The following NKAP variants were observed in gnomAD, a reference collection of about 807,000 sequenced individuals.
NKAP encodes the protein NFKB activating protein.
Under a neutral mutation model 35.6 loss-of-function variants are expected in NKAP, and 4 were observed. That is an observed-to-expected ratio of 0.11 (90% CI 0.06 to 0.26). The LOEUF (loss-of-function observed/expected upper bound fraction) is 0.26. Ranked by LOEUF, NKAP falls within the 10% of genes least tolerant of loss-of-function variation. NKAP has a pLI of 1.00. For missense variants in NKAP, 238 were observed against 321.9 expected, an observed-to-expected ratio of 0.74 and a Z score of 1.99; for synonymous variants, 106 against 119.2, an observed-to-expected ratio of 0.89 and a Z score of 0.72.
rs1399924994 is a variant in NKAP, at chrX:119,923,462, T to C, written c.*1758A>G. ...ATATTTAATATCATTTTAGTTTCTC[T>C]TATGAAACAATTAAGCTAAAATACT... On this transcript the variant is annotated 3_prime_UTR_variant, in exon 9 of 9. Coordinates refer to ENST00000371410, the MANE Select transcript of NKAP (RefSeq NM_024528.4). 1 of 112,257 alleles carries C rather than the reference T, an allele frequency of 8.9e-6. No individual in the cohort carries two copies. 9.3% of individuals were successfully genotyped at this position (112,257 alleles called of 1,213,427 possible).
At chrX:119,943,035 G>A (rs2056800854) in intron 1 of NKAP, 185 bp downstream of exon 1, 2 of 535,254 alleles carry the variant, frequency 3.7e-6, no homozygotes, top group South Asian at 3.4e-5. Flanking sequence ...GAAGGGGCCT[G>A]AGGGTAAGGG....
Position 119,936,340 on chromosome X carries a change from A to G in NKAP, c.630T>C (p.Ser210=). The change falls in exon 4 of 9, where the codon TCT becomes TCC. Residue 210 remains serine (S), a synonymous_variant. Transcript: ENST00000371410. ...AATCAGAGTCACTGTCGCTATCTTC[A>G]GAATACTTCTTATGTTTTCTTTTCG... ...KSSKRKHKKY[S]EDSDSDSDSE... 2.5e-6 allele frequency: 3 copies of G among 1,200,207 alleles called. No individual in the cohort carries two copies. The highest frequency in any genetic ancestry group is 3.4e-6 in the Non-Finnish European group (3 of 891,007).
Position 119,943,440 on chromosome X carries a change from G to C in NKAP, c.166C>G (p.Leu56Val). The change falls in exon 1 of 9, where the codon CTC becomes GTC. Residue 56 changes from leucine to valine, a missense_variant. Leu to Val is a conservative substitution (Grantham distance 32, BLOSUM62 1). Coordinates refer to ENST00000371410, the MANE Select transcript of NKAP (RefSeq NM_024528.4). ...SCSRSGDRNG[L>V]THQLGGLSQG... ...CTGAGGCCACCCAGCTGATGGGTGA[G>C]TCCATTCCGGTCCCCGGACCGAGAG... 8.3e-7 allele frequency: 1 copy of C among 1,210,336 alleles called. No homozygotes were observed. Among genetic ancestry groups the C allele is most frequent in the Non-Finnish European group, 1.1e-6 (1 of 894,488 alleles).
At chrX:119,928,564 AAT>A (rs2056725924) in intron 8 of NKAP, among the ~76,000 whole-genome samples, 1 of 111,354 alleles carries the variant, frequency 9.0e-6, no homozygotes, top group Non-Finnish European at 1.9e-5. Context: ...TTCACAAAAA[AAT>A]GACATTTTTT....
At chrX:119,928,918 T>C (rs1433129897) in intron 8 of NKAP, among the ~76,000 whole-genome samples, 2 of 109,588 alleles carry the variant, frequency 1.8e-5, no homozygotes, top group African/African-American at 6.6e-5. Context: ...TTACTGTTTT[T>C]TCAGGCTGAG....
rs1207622152 is a variant in NKAP, at chrX:119,936,913, T to C, written c.468-231A>G. 34 of 288,360 alleles carry C rather than the reference T, an allele frequency of 1.2e-4. No homozygotes were observed. The East Asian group carries it at 2.0e-3, about 17-fold the overall frequency. The allele number at this position is 288,360 out of a possible 1,213,427, so 23.8% of individuals were successfully genotyped here. ...CGTGCAGTTCAAGGGTCTACCATCTTTGTAATAATAAAATAACTTATCATT... is the reference window on the plus strand; with the variant it reads ...CGTGCAGTTCAAGGGTCTACCATCTCTGTAATAATAAAATAACTTATCATT... On this transcript the variant is annotated intron_variant, in intron 2 of 8. Coordinates refer to ENST00000371410, the MANE Select transcript of NKAP (RefSeq NM_024528.4).
At chrX:119,929,906 TC>T (rs1294490624) in intron 8 of NKAP, 109 bp downstream of exon 8, 18 of 850,016 alleles carry the variant, frequency 2.1e-5, no homozygotes, top group Non-Finnish European at 2.9e-5. Flanking sequence ...ACTCTACTTT[TC>T]ATAAGAAACA....
chrX:119,926,281 G>A (rs1299051685), intron 8 of NKAP, among the ~76,000 whole-genome samples: 1 of 108,642 alleles, frequency 9.2e-6, no homozygotes, highest in Non-Finnish European at 1.9e-5. Context: ...TCTCCTTTTT[G>A]TGAGTCTTAA....
At position 119,920,829 on chromosome X, in the gene NKAP, T is replaced by C; in HGVS notation, c.*4391A>G. The C allele has an allele frequency of 8.1e-6, 2 of 247,298 alleles. No individual in the cohort carries two copies. Among genetic ancestry groups the C allele is most frequent in the East Asian group, 1.6e-4 (2 of 12,617 alleles). 20.4% of individuals were successfully genotyped at this position (247,298 alleles called of 1,213,427 possible). ...TCTAAAGTATTTTTTTCTATCACTA[T>C]ATGTATCACTTCTGAGTCTTACAGG... On this transcript the variant is annotated 3_prime_UTR_variant, in exon 9 of 9. Transcript: ENST00000371410.
At position 119,927,317 on chromosome X, in the gene NKAP, G is replaced by A. The variant is rs752505624; in HGVS notation, c.1074-1923C>T. ...TCTTTCATACACTGAAGTTCCATACGTGTATGGTTATCTTTGGGCTCTGAA... is the reference window on the plus strand; with the variant it reads ...TCTTTCATACACTGAAGTTCCATACATGTATGGTTATCTTTGGGCTCTGAA... On this transcript the variant is annotated intron_variant, in intron 8 of 8. Coordinates refer to ENST00000371410, the MANE Select transcript of NKAP (RefSeq NM_024528.4). Among the ~76,000 whole-genome samples the A allele has an allele frequency of 1.1e-4, 12 of 108,458 alleles. 1 individual carries two copies. In the South Asian group the frequency reaches 4.9e-3, roughly 44 times the overall value. The allele number at this position is 108,458 out of a possible 115,157, so 94.2% of individuals were successfully genotyped here.
intron 2 of NKAP, chrX:119,936,983 G>A: frequency 6.3e-6 from 1 of 158,967 alleles, no homozygotes. Context: ...AAACAAAGCA[G>A]CATGGAGGAT....
chrX:119,932,065 A>G (rs2056744079), intron 6 of NKAP, 42 bp downstream of exon 6: 3 of 1,180,960 alleles, frequency 2.5e-6, no homozygotes, highest in Non-Finnish European at 3.5e-6. Flanking sequence ...TGGTTACTTT[A>G]ATGTTTCATC....
chrX:119,936,117 T>C (rs2056764714), intron 4 of NKAP, among the ~76,000 whole-genome samples, 180 bp downstream of exon 4: 1 of 112,271 alleles, frequency 8.9e-6, no homozygotes, highest in South Asian at 3.6e-4. Flanking sequence ...ACAGTTATTG[T>C]ATGGATTAAA....
Position 119,943,210 on chromosome X carries a change from T to G in NKAP, c.386+10A>C. 1 of 1,166,317 alleles carries G rather than the reference T, an allele frequency of 8.6e-7. No individual in the cohort carries two copies. The highest frequency in any genetic ancestry group is 1.1e-6 in the Non-Finnish European group (1 of 872,443). ...GCTCGTACAAGAGAAAGTGCGGCCG[T>G]CTCACTCACTTCTGCCGCAGGCTCT... On this transcript the variant is annotated intron_variant, in intron 1 of 8. Coordinates refer to ENST00000371410, the MANE Select transcript of NKAP (RefSeq NM_024528.4).
intron 7 of NKAP, among the ~76,000 whole-genome samples, chrX:119,931,435 G>A (rs2056740613): frequency 9.0e-6 from 1 of 110,838 alleles, no homozygotes; most frequent in Non-Finnish European, 1.9e-5. Flanking sequence ...GAACCTGGGA[G>A]GCAGAGGTTG....
At chrX:119,934,155 G>A (rs984134751) in intron 5 of NKAP, among the ~76,000 whole-genome samples, 3 of 109,142 alleles carry the variant, frequency 2.7e-5, no homozygotes, top group Non-Finnish European at 5.7e-5. Flanking sequence ...TTTTCTGGCC[G>A]GGTGCAGTGG....
At position 119,943,576 on chromosome X, in the gene NKAP, C is replaced by T. The variant is rs1396830357; in HGVS notation, c.30G>A (p.Pro10=). Residue 10 remains proline, a synonymous_variant, in exon 1 of 9, where the codon CCG becomes CCA. Coordinates refer to ENST00000371410, the MANE Select transcript of NKAP (RefSeq NM_024528.4). MAPVSGSRS[P]DREASGSGGR... The stretch of plus-strand genomic sequence containing the variant: ...CCCCCGAGCCCGAGGCCTCCCTATC[C>T]GGGCTGCGTGAGCCGGACACCGGAG... 1.7e-6 allele frequency: 2 copies of T among 1,191,799 alleles called. No homozygotes were observed. Among genetic ancestry groups the T allele is most frequent in the South Asian group, 1.8e-5 (1 of 54,148 alleles).
rs1172685765 is a variant in NKAP, at chrX:119,923,198, G to T, written c.*2022C>A. The T allele has an allele frequency of 9.0e-6, 1 of 111,434 alleles. No individual in the cohort carries two copies. The highest frequency in any genetic ancestry group is 3.3e-5 in the African/African-American group (1 of 30,676). 9.2% of individuals were successfully genotyped at this position (111,434 alleles called of 1,213,427 possible). The stretch of plus-strand genomic sequence containing the variant: ...TGGGCTCCAGCCTGAGTGACAGAGT[G>T]AGACTCTATCTCAAAAAACAAAAAA... On this transcript the variant is annotated 3_prime_UTR_variant, in exon 9 of 9. Transcript: ENST00000371410.
intron 1 of NKAP, 23 bp downstream of exon 1, chrX:119,943,197 G>GA: frequency 8.6e-7 from 1 of 1,158,977 alleles, no homozygotes; most frequent in East Asian, 3.0e-5. Context: ...TCGTACAAGA[G>GA]AAAGTGCGGC....
Sources: allele counts gnomAD v4.1 joint callset (sites outside exome capture counted in the v4.1 genomes callset), GRCh38; gene constraint gnomAD v4.1.1; transcripts MANE v1.5; gene names NCBI Gene and HGNC (gene_info 2026-07-23, HGNC 2026-07-21).